SMAD3: variants seen among roughly 807,000 people sequenced by gnomAD.
SMAD3 encodes MAD homolog 3.
A neutral mutation model predicts 51.8 loss-of-function variants in SMAD3; 12 were observed. That is an observed-to-expected ratio of 0.23 (90% confidence interval 0.15 to 0.38). SMAD3 has a LOEUF of 0.38. Among genes scored for constraint, SMAD3 ranks in the 10% least tolerant of loss-of-function variants. SMAD3 has a pLI of 1.00. For missense variants in SMAD3, 294 were observed against 565.6 expected, an observed-to-expected ratio of 0.52 and a Z score of 4.87; for synonymous variants, 238 against 227.7, an observed-to-expected ratio of 1.05 and a Z score of -0.41.
At position 67,121,778 on chromosome 15, in the gene SMAD3, TA is replaced by T. The variant is rs201038194; in HGVS notation, c.207-43108del. ...TTTCTTGATATGAGGAAATTTTGCT[TA>T]AAAAAAAATCTCTACTGATAGGACC... On this transcript the variant is annotated intron_variant, in intron 1 of 8. Transcript: ENST00000327367. 9.6e-3 allele frequency among the ~76,000 whole-genome samples: 1,451 copies of T among 151,546 alleles called. 22 individuals carry two copies. Among genetic ancestry groups the T allele is most frequent in the African/African-American group, 0.033 (1,372 of 41,292 alleles).
chr15:67,151,168 A>C (rs1962131731), intron 1 of SMAD3, among the ~76,000 whole-genome samples: 1 of 151,588 alleles, frequency 6.6e-6, no homozygotes, highest in Non-Finnish European at 1.5e-5. Flanking sequence ...CTTATATCTC[A>C]GTCTTAAGAC....
intron 1 of SMAD3, among the ~76,000 whole-genome samples, chr15:67,103,218 T>C: frequency 6.6e-6 from 1 of 152,154 alleles, no homozygotes; most frequent in East Asian, 1.9e-4. Context: ...ATCACCCCAG[T>C]GGAAGAGTTA....
chr15:67,081,231 A>G (rs926972702), intron 1 of SMAD3, among the ~76,000 whole-genome samples: 2 of 152,192 alleles, frequency 1.3e-5, no homozygotes, highest in African/African-American at 4.8e-5. Flanking sequence ...GACAGAGAGT[A>G]TTCATTACTT....
chr15:67,096,919 C>A (rs1960626904), intron 1 of SMAD3, among the ~76,000 whole-genome samples: 1 of 152,202 alleles, frequency 6.6e-6, no homozygotes, highest in African/African-American at 2.4e-5. Context: ...TGAGGAATTT[C>A]AGAGGCTACA....
chr15:67,119,918 C>T (rs1961221074), intron 1 of SMAD3, among the ~76,000 whole-genome samples: 1 of 152,118 alleles, frequency 6.6e-6, no homozygotes, highest in Non-Finnish European at 1.5e-5. Flanking sequence ...TGCCTCAGCC[C>T]CTCAGGTAGC....
At chr15:67,129,252 C>T (rs1437579936) in intron 1 of SMAD3, among the ~76,000 whole-genome samples, 1 of 152,158 alleles carries the variant, frequency 6.6e-6, no homozygotes, top group Non-Finnish European at 1.5e-5. Context: ...AGAATAATAG[C>T]CAAGCAGTAA....
intron 1 of SMAD3, among the ~76,000 whole-genome samples, chr15:67,158,067 T>G (rs548204500): frequency 6.6e-6 from 1 of 152,122 alleles, no homozygotes; most frequent in Non-Finnish European, 1.5e-5. Flanking sequence ...GCAGCTGGTC[T>G]TGGGCTGGGA....
intron 1 of SMAD3, among the ~76,000 whole-genome samples, chr15:67,120,229 A>G (rs545106760): frequency 6.6e-6 from 1 of 152,320 alleles, no homozygotes; most frequent in Admixed American, 6.5e-5. Context: ...TGGGAAAAAG[A>G]GGAACAGTGT....
intron 5 of SMAD3, among the ~76,000 whole-genome samples, chr15:67,177,185 A>AG (rs1962922405): frequency 6.6e-6 from 1 of 152,168 alleles, no homozygotes; most frequent in South Asian, 2.1e-4. Context: ...GTTTTCCCTG[A>AG]GGAACTAGTA....
chr15:67,082,067 C>G (rs536978448), intron 1 of SMAD3, among the ~76,000 whole-genome samples: 1 of 152,200 alleles, frequency 6.6e-6, no homozygotes, highest in South Asian at 2.1e-4. Context: ...TGAACACTTA[C>G]TGATGATGTC....
intron 1 of SMAD3, among the ~76,000 whole-genome samples, chr15:67,163,631 G>A (rs977390261): frequency 1.3e-5 from 2 of 152,148 alleles, no homozygotes; most frequent in Admixed American, 6.5e-5. Flanking sequence ...TGGGGTAGGC[G>A]CTGAGAATGT....
At chr15:67,161,235 A>G (rs970262594) in intron 1 of SMAD3, among the ~76,000 whole-genome samples, 32 of 152,184 alleles carry the variant, frequency 2.1e-4, no homozygotes, top group Admixed American at 1.1e-3. Flanking sequence ...AGTCGTCCAT[A>G]TATATGTAAC....
intron 1 of SMAD3, among the ~76,000 whole-genome samples, chr15:67,123,275 C>T (rs1432107686): frequency 6.6e-6 from 1 of 151,606 alleles, no homozygotes. Context: ...GCGGGTGGAT[C>T]ACCTGAGGTC....
intron 1 of SMAD3, among the ~76,000 whole-genome samples, chr15:67,092,674 T>C (rs1264374587): frequency 6.6e-6 from 1 of 151,810 alleles, no homozygotes; most frequent in Non-Finnish European, 1.5e-5. Context: ...GTGGAGGGAG[T>C]TTGTCCAGGG....
chr15:67,089,461 A>G (rs1222035325), intron 1 of SMAD3, among the ~76,000 whole-genome samples: 2 of 152,114 alleles, frequency 1.3e-5, no homozygotes, highest in East Asian at 3.9e-4. Flanking sequence ...CTGGGTGGAG[A>G]CATGGCAAGG....
At chr15:67,083,490 T>C (rs1011632172) in intron 1 of SMAD3, among the ~76,000 whole-genome samples, 3 of 152,264 alleles carry the variant, frequency 2.0e-5, no homozygotes, top group Admixed American at 6.5e-5. Context: ...TGTCATCTTT[T>C]GGCCACTGTG....
intron 3 of SMAD3, chr15:67,166,318 G>A: frequency 3.6e-6 from 1 of 281,312 alleles, no homozygotes; most frequent in Non-Finnish European, 6.2e-6. Flanking sequence ...TAACTGCTGA[G>A]TGAGGACACG....
chr15:67,193,469 T>TA lies in SMAD3; in HGVS notation c.*2934dup. 4.3e-6 allele frequency: 1 copy of TA among 233,896 alleles called. No homozygotes were observed. Among genetic ancestry groups the TA allele is most frequent in the Non-Finnish European group, 8.5e-6 (1 of 118,062 alleles). The allele number at this position is 233,896 out of a possible 1,614,324, so 14.5% of individuals were successfully genotyped here. The stretch of plus-strand genomic sequence containing the variant: ...CTCGCTTCTTCCCAATTTAGTAACT[T>TA]AGATGCTTCCAGCACATACGTAGGT... On this transcript the variant is annotated 3_prime_UTR_variant, in exon 9 of 9. Transcript: ENST00000327367.
intron 7 of SMAD3, among the ~76,000 whole-genome samples, chr15:67,185,491 G>A (rs551649499): frequency 1.3e-4 from 20 of 152,324 alleles, no homozygotes; most frequent in Admixed American, 3.9e-4. Flanking sequence ...GGACATGGAT[G>A]GGTAGCTCTC....
Sources: allele counts gnomAD v4.1 joint callset (sites outside exome capture counted in the v4.1 genomes callset), GRCh38; gene constraint gnomAD v4.1.1; transcripts MANE v1.5; gene names NCBI Gene and HGNC (gene_info 2026-07-23, HGNC 2026-07-21).